NME5: variants seen among roughly 807,000 people sequenced by gnomAD.
NME5 encodes NME/NM23 family member 5, also known as nucleoside diphosphate kinase 5.
Under a neutral mutation model 21.6 loss-of-function variants are expected in NME5, and 18 were observed. That is an observed-to-expected ratio of 0.83 (90% CI 0.58 to 1.24). NME5 has a LOEUF of 1.24. Among genes scored for constraint, NME5 ranks in the 50% most tolerant of loss-of-function variants. The pLI is 0.00. For missense variants in NME5, 223 were observed against 255.4 expected (o/e 0.87, Z 0.86); for synonymous variants, 70 against 80.6 (o/e 0.87, Z 0.71).
At chr5:138,134,857 A>T (rs1280066684) in intron 2 of NME5, among the ~76,000 whole-genome samples, 4 of 140,382 alleles carry the variant, frequency 2.8e-5, no homozygotes, top group African/African-American at 1.0e-4. Flanking sequence ...CTGGGACTAC[A>T]GGTGCCCGCC....
At chr5:138,138,399 GA>G (rs1751765252) in intron 2 of NME5, 1 of 353,508 alleles carries the variant, frequency 2.8e-6, no homozygotes. Flanking sequence ...TGGAAGAACA[GA>G]AAGTGTTAAG....
rs1751818965 is a variant in NME5 at position 138,139,354 on chromosome 5, CCTCT to C, written c.-6+13_-6+16del. On this transcript the variant is annotated intron_variant, in intron 1 of 5. Transcript: ENST00000265191. The stretch of plus-strand genomic sequence containing the variant: ...TGCACCTGCAAATTCTGAATTTGAC[CCTCT>C]CTAAGTACTCACCTCAGCGGCCGTC... The C allele has an allele frequency of 1.0e-6, 1 of 985,938 alleles. No individual in the cohort carries two copies. Among genetic ancestry groups the C allele is most frequent in the Non-Finnish European group, 1.2e-6 (1 of 830,388 alleles). 61.1% of individuals were successfully genotyped at this position (985,938 alleles called of 1,614,324 possible).
At chr5:138,133,780 T>C (rs1212802460) in intron 2 of NME5, among the ~76,000 whole-genome samples, 2 of 152,196 alleles carry the variant, frequency 1.3e-5, no homozygotes, top group African/African-American at 4.8e-5. Context: ...ATAGCTTGAA[T>C]AGTCAAATTC....
intron 2 of NME5, among the ~76,000 whole-genome samples, chr5:138,131,509 A>G (rs1268446744): frequency 2.0e-5 from 3 of 151,436 alleles, no homozygotes; most frequent in African/African-American, 4.9e-5. Context: ...AGATTGAGAT[A>G]GCACCATTGC....
chr5:138,135,249 C>T (rs1333251289), intron 2 of NME5, among the ~76,000 whole-genome samples: 2 of 140,634 alleles, frequency 1.4e-5, no homozygotes, highest in Non-Finnish European at 1.5e-5. Context: ...ACCTGGGTGG[C>T]GGAGCTTGCC....
At chr5:138,116,619 A>G (rs1451601969) in intron 5 of NME5, 1 of 152,236 alleles carries the variant, frequency 6.6e-6, no homozygotes, top group East Asian at 1.9e-4. Context: ...TGATACAGAG[A>G]GATTATTAGC....
intron 3 of NME5, 22 bp from the exon 4 acceptor site, chr5:138,128,601 C>T (rs1751486874): frequency 4.6e-6 from 7 of 1,538,394 alleles, no homozygotes; most frequent in East Asian, 2.3e-5. Context: ...TTAGAGATGA[C>T]GTCCATCCAA....
At chr5:138,138,013 G>T (rs1042069622) in intron 2 of NME5, among the ~76,000 whole-genome samples, 1 of 149,110 alleles carries the variant, frequency 6.7e-6, no homozygotes, top group Non-Finnish European at 1.5e-5. Context: ...TCAAAAAAAA[G>T]AAAAAAAAAC....
intron 4 of NME5, among the ~76,000 whole-genome samples, chr5:138,120,899 AC>A: frequency 6.6e-6 from 1 of 152,314 alleles, no homozygotes; most frequent in South Asian, 2.1e-4. Context: ...CATTTAATAC[AC>A]CTAGCCTATT....
intron 4 of NME5, among the ~76,000 whole-genome samples, chr5:138,119,550 G>C (rs1458374400): frequency 6.6e-6 from 1 of 152,126 alleles, no homozygotes; most frequent in East Asian, 1.9e-4. Flanking sequence ...GGCCAGGCTG[G>C]TCTTGAACTC....
intron 3 of NME5, 86 bp downstream of exon 3, chr5:138,129,177 T>A (rs1301996290): frequency 7.8e-6 from 9 of 1,159,172 alleles, no homozygotes; most frequent in African/African-American, 4.7e-5. Flanking sequence ...AAAAAAAAAA[T>A]TCCCATTACA....
chr5:138,118,827 T>G lies in NME5; in HGVS notation c.546A>C (p.Ala182=). 3.1e-6 allele frequency: 5 copies of G among 1,595,392 alleles called. No individual in the cohort carries two copies. Among genetic ancestry groups the G allele is most frequent in the Non-Finnish European group, 4.3e-6 (5 of 1,163,156 alleles). The change falls in exon 5 of 6, where the codon GCA becomes GCC. Residue 182 remains alanine, a synonymous_variant. Coordinates refer to ENST00000265191, the MANE Select transcript of NME5 (RefSeq NM_003551.3). ...TAAAAATATTTCTTACCAAAGGATC[T>G]GCTGGTTTTTGCTTACAAAGCTCTG... ...GLTELCKQKP[A]DPLIWLADWL...
chr5:138,131,836 T>C (rs1036020302), intron 2 of NME5, among the ~76,000 whole-genome samples: 2 of 151,904 alleles, frequency 1.3e-5, no homozygotes, highest in Non-Finnish European at 2.9e-5. Context: ...CTCCACTTCC[T>C]GGATTCAAGT....
Position 138,129,276 on chromosome 5 carries a change from T to C in NME5, c.322A>G (p.Thr108Ala), listed in dbSNP as rs377475326. The change falls in exon 3 of 6, where the codon ACA becomes GCA. Residue 108 changes from threonine to alanine, a missense_variant. Physicochemically the swap from Thr to Ala is moderately conservative, Grantham distance 58. Coordinates refer to ENST00000265191, the MANE Select transcript of NME5 (RefSeq NM_003551.3). ...GPNNSLVAKE[T>A]HPDSLRAIYG... ...CCTGAAAATTACCTGTCTGGATGTGTCTCCTTCGCTACTAAGCTATTATTT... is the reference window on the plus strand; with the variant it reads ...CCTGAAAATTACCTGTCTGGATGTGCCTCCTTCGCTACTAAGCTATTATTT... 1.2e-6 allele frequency: 2 copies of C among 1,612,444 alleles called. No homozygotes were observed. The highest frequency in any genetic ancestry group is 2.2e-5 in the East Asian group (1 of 44,864).
chr5:138,123,949 G>T, intron 4 of NME5, among the ~76,000 whole-genome samples: 2 of 116,158 alleles, frequency 1.7e-5, no homozygotes, highest in African/African-American at 3.2e-5. Context: ...CCGTGGTTTT[G>T]ATCTGTATTT....
intron 2 of NME5, among the ~76,000 whole-genome samples, chr5:138,131,476 G>A (rs1221119609): frequency 2.0e-5 from 3 of 151,574 alleles, no homozygotes; most frequent in Non-Finnish European, 1.5e-5. Context: ...TTGAACCCAG[G>A]AGGCAGAAGT....
At position 138,118,774 on chromosome 5, in the gene NME5, G is replaced by T. The variant is rs529539546; in HGVS notation, c.555+44C>A. 4.5e-6 allele frequency: 6 copies of T among 1,336,330 alleles called. No homozygotes were observed. In the South Asian group the frequency reaches 5.9e-5, roughly 13 times the overall value. 82.8% of individuals were successfully genotyped at this position (1,336,330 alleles called of 1,614,324 possible). On this transcript the variant is annotated intron_variant, in intron 5 of 5. Coordinates refer to ENST00000265191, the MANE Select transcript of NME5 (RefSeq NM_003551.3). ...TGGGATTACAGGCATGAGCCACCACGCCTGGTGACAATATTCTTAAGTGTG... is the reference window on the plus strand; with the variant it reads ...TGGGATTACAGGCATGAGCCACCACTCCTGGTGACAATATTCTTAAGTGTG...
At chr5:138,139,224 G>A (rs1045976010) in intron 1 of NME5, 147 bp downstream of exon 1, 1 of 340,884 alleles carries the variant, frequency 2.9e-6, no homozygotes, top group African/African-American at 2.2e-5. Flanking sequence ...AGCGGCCTCG[G>A]CCAGCTGCCT....
chr5:138,122,756 CA>C (rs1488145034), intron 4 of NME5, among the ~76,000 whole-genome samples: 29 of 151,350 alleles, frequency 1.9e-4, no homozygotes, highest in African/African-American at 6.1e-4. Flanking sequence ...CGGTTCACTG[CA>C]ACCTCTGCCT....
Sources: gnomAD v4.1 joint callset for allele counts (sites outside exome capture counted in the v4.1 genomes callset) on GRCh38, gnomAD v4.1.1 for gene constraint, MANE v1.5 for transcripts, NCBI Gene and HGNC (gene_info 2026-07-23, HGNC 2026-07-21) for gene names.